The following QTMAN variants were observed in gnomAD, a reference collection of about 807,000 sequenced individuals.
QTMAN encodes tRNA-queuosine alpha-mannosyltransferase.
chr2:144,209,783 A>G, the QTMAN span, among the ~76,000 whole-genome samples: 4 of 152,228 alleles, frequency 2.6e-5, no homozygotes, highest in Non-Finnish European at 5.9e-5. Context: ...CATAAATGCT[A>G]TATTGCTTAA....
the QTMAN span, among the ~76,000 whole-genome samples, chr2:144,192,821 T>G: frequency 6.6e-6 from 1 of 152,196 alleles, no homozygotes; most frequent in African/African-American, 2.4e-5. Context: ...ACAAGAAACG[T>G]TTATTATGTT....
At chr2:144,011,658 G>T in the QTMAN span, 1 of 860,598 alleles carries the variant, frequency 1.2e-6, no homozygotes, top group Non-Finnish European at 1.4e-6. Flanking sequence ...AAAAAAAAAG[G>T]AAATAATACC....
At chr2:143,997,194 C>T in the QTMAN span, among the ~76,000 whole-genome samples, 1 of 151,924 alleles carries the variant, frequency 6.6e-6, no homozygotes, top group East Asian at 1.9e-4. Context: ...AGTAAGAAAA[C>T]AAAGCTTTCA....
At chr2:144,280,357 C>T in the QTMAN span, among the ~76,000 whole-genome samples, 2 of 152,234 alleles carry the variant, frequency 1.3e-5, no homozygotes, top group East Asian at 3.9e-4. Flanking sequence ...ACATGTGCTG[C>T]GTTACAGAAA....
chr2:144,141,688 GAACT>G, the QTMAN span, among the ~76,000 whole-genome samples: 9 of 151,684 alleles, frequency 5.9e-5, no homozygotes, highest in African/African-American at 1.5e-4. Context: ...CTCAATATCT[GAACT>G]AACTAGTGAT....
the QTMAN span, among the ~76,000 whole-genome samples, chr2:144,160,035 G>A: frequency 1.3e-5 from 2 of 151,948 alleles, no homozygotes; most frequent in Non-Finnish European, 1.5e-5. Context: ...AAGAAAAAGG[G>A]ACCAGTTATG....
At chr2:144,326,453 G>A in the QTMAN span, among the ~76,000 whole-genome samples, 3 of 152,010 alleles carry the variant, frequency 2.0e-5, no homozygotes, top group Admixed American at 1.3e-4. Context: ...CGGGCATGGT[G>A]GTGGGTGCCT....
chr2:144,239,587 A>C, the QTMAN span, among the ~76,000 whole-genome samples: 1 of 152,278 alleles, frequency 6.6e-6, no homozygotes, highest in South Asian at 2.1e-4. Flanking sequence ...ATGTGAACTA[A>C]GCTTCTTTGG....
the QTMAN span, among the ~76,000 whole-genome samples, chr2:144,184,120 T>TA: frequency 1.1e-4 from 17 of 152,290 alleles, no homozygotes; most frequent in East Asian, 3.1e-3. Flanking sequence ...CATCCTTATT[T>TA]AAAATAGGAG....
chr2:144,051,455 G>A, the QTMAN span, among the ~76,000 whole-genome samples: 1 of 152,058 alleles, frequency 6.6e-6, no homozygotes. Flanking sequence ...AGGAGTTCAA[G>A]GCTGTAGTGA....
At chr2:144,006,286 T>C in the QTMAN span, 29 of 152,056 alleles carry the variant, frequency 1.9e-4, no homozygotes, top group African/African-American at 6.8e-4. Context: ...TGGGAGAGCT[T>C]CTAGAGTTTT....
chr2:143,997,995 G>T, the QTMAN span, among the ~76,000 whole-genome samples: 1 of 151,998 alleles, frequency 6.6e-6, no homozygotes, highest in African/African-American at 2.4e-5. Context: ...ATCAACTCAT[G>T]TCATTTCAAC....
the QTMAN span, chr2:143,942,540 T>C: frequency 6.0e-6 from 1 of 167,190 alleles, no homozygotes; most frequent in African/African-American, 2.4e-5. Context: ...TCTGAATTTT[T>C]TGAGATGAGA....
At chr2:144,251,717 A>G in the QTMAN span, among the ~76,000 whole-genome samples, 199 of 152,322 alleles carry the variant, frequency 1.3e-3, no homozygotes, top group African/African-American at 4.6e-3. Context: ...ACAAAAAAAA[A>G]GTTGTTAAGC....
chr2:144,152,530 G>A, the QTMAN span, among the ~76,000 whole-genome samples: 3 of 152,178 alleles, frequency 2.0e-5, no homozygotes, highest in Admixed American at 2.0e-4. Flanking sequence ...CAAGAAGAGA[G>A]GGTGAGCCTA....
At chr2:144,236,936 A>G in the QTMAN span, among the ~76,000 whole-genome samples, 2,556 of 152,168 alleles carry the variant, frequency 0.017, 31 homozygotes, top group Admixed American at 0.024. Flanking sequence ...GAAATCAAGT[A>G]GAAGAAGGGA....
At chr2:144,028,380 C>T in the QTMAN span, among the ~76,000 whole-genome samples, 2 of 152,108 alleles carry the variant, frequency 1.3e-5, no homozygotes, top group Non-Finnish European at 2.9e-5. Flanking sequence ...TTTTACAAGT[C>T]CAAATTTTAT....
At chr2:144,031,446 T>A in the QTMAN span, among the ~76,000 whole-genome samples, 1 of 152,170 alleles carries the variant, frequency 6.6e-6, no homozygotes, top group South Asian at 2.1e-4. Flanking sequence ...AAAAGTGTTT[T>A]TCATGAAGCC....
the QTMAN span, among the ~76,000 whole-genome samples, chr2:144,134,615 AACAG>A: frequency 4.6e-5 from 7 of 152,166 alleles, no homozygotes; most frequent in Non-Finnish European, 1.0e-4. Flanking sequence ...GGGAAATAGG[AACAG>A]ACAGTGAAAT....
Sources: allele counts gnomAD v4.1 joint callset (sites outside exome capture counted in the v4.1 genomes callset), GRCh38; gene constraint gnomAD v4.1.1; transcripts MANE v1.5; gene names NCBI Gene and HGNC (gene_info 2026-07-23, HGNC 2026-07-21).